PCDH9: variants seen among roughly 807,000 people sequenced by gnomAD.
The protein encoded by PCDH9 is protocadherin 9, also known as protocadherin-9.
A neutral mutation model predicts 70.6 loss-of-function variants in PCDH9; 24 were observed. The observed-to-expected ratio is 0.34, with a 90% CI of 0.25 to 0.48. The LOEUF (loss-of-function observed/expected upper bound fraction) is 0.48, where lower values mean the gene tolerates loss of function less well. Ranked by LOEUF, PCDH9 falls within the 20% of genes least tolerant of loss-of-function variation. The pLI is 0.99. For missense variants in PCDH9, 1,281 were observed against 1,503.6 expected (o/e 0.85, Z 2.45); for synonymous variants, 562 against 558.5 (o/e 1.01, Z -0.09).
intron 2 of PCDH9, among the ~76,000 whole-genome samples, chr13:67,128,613 G>A (rs2087035408): frequency 6.6e-6 from 1 of 152,078 alleles, no homozygotes; most frequent in African/African-American, 2.4e-5. Context: ...CTCTCCCTCT[G>A]TCATTTCGCC....
intron 3 of PCDH9, among the ~76,000 whole-genome samples, chr13:66,877,829 A>C (rs1239023630): frequency 1.3e-5 from 2 of 152,108 alleles, no homozygotes; most frequent in Non-Finnish European, 1.5e-5. Flanking sequence ...AAAATACCTT[A>C]TCTGGCACTG....
chr13:66,588,165 T>C (rs1221734257), intron 4 of PCDH9, among the ~76,000 whole-genome samples: 1 of 152,006 alleles, frequency 6.6e-6, no homozygotes, highest in Non-Finnish European at 1.5e-5. Context: ...ATAATTTTTC[T>C]CCTGCTTGAA....
At chr13:66,637,870 T>C (rs1000228591) in intron 3 of PCDH9, among the ~76,000 whole-genome samples, 1 of 150,292 alleles carries the variant, frequency 6.7e-6, no homozygotes, top group Non-Finnish European at 1.5e-5. Context: ...GCCGAGATCA[T>C]GCCACTGAAC....
chr13:67,154,610 AC>A (rs2087759561), intron 2 of PCDH9, among the ~76,000 whole-genome samples: 1 of 91,606 alleles, frequency 1.1e-5, no homozygotes, highest in African/African-American at 3.8e-5. Context: ...ATATATACAC[AC>A]ACACACACAC....
At chr13:67,140,558 A>G (rs1165489603) in intron 2 of PCDH9, among the ~76,000 whole-genome samples, 1 of 152,100 alleles carries the variant, frequency 6.6e-6, no homozygotes, top group African/African-American at 2.4e-5. Context: ...GCCCTTAATA[A>G]TTACCTTCAG....
intron 4 of PCDH9, among the ~76,000 whole-genome samples, chr13:66,611,056 G>T (rs2077288398): frequency 6.6e-6 from 1 of 152,052 alleles, no homozygotes; most frequent in African/African-American, 2.4e-5. Context: ...TGTGAAAAAG[G>T]TTTTCAGTAG....
At chr13:66,655,711 T>C (rs114110046) in intron 3 of PCDH9, among the ~76,000 whole-genome samples, 5 of 152,318 alleles carry the variant, frequency 3.3e-5, no homozygotes, top group African/African-American at 1.2e-4. Context: ...GAATAATTTG[T>C]TGCTATGGTA....
chr13:66,607,847 TTATC>T (rs2077240631), intron 4 of PCDH9, among the ~76,000 whole-genome samples: 2 of 152,106 alleles, frequency 1.3e-5, no homozygotes, highest in South Asian at 4.1e-4. Flanking sequence ...GTTTCATAAT[TTATC>T]TAATTATTAT....
Position 66,503,447 on chromosome 13 carries a change from G to T in PCDH9, c.3340+127763C>A, listed in dbSNP as rs540626955. Among the ~76,000 whole-genome samples, 3 of 152,248 alleles carry T rather than the reference G, an allele frequency of 2.0e-5. No homozygotes were observed. In the South Asian group the frequency reaches 6.2e-4, roughly 32 times the overall value. On this transcript the variant is annotated intron_variant, in intron 4 of 4. Coordinates refer to ENST00000377865, the MANE Select transcript of PCDH9 (RefSeq NM_203487.3). ...TGTTCATTCATATAACCTCTTCTAT[G>T]TAACTTTAAATAATACTACACAAAT...
chr13:67,124,211 A>G (rs1250260610), intron 2 of PCDH9, among the ~76,000 whole-genome samples: 1 of 152,200 alleles, frequency 6.6e-6, no homozygotes, highest in African/African-American at 2.4e-5. Context: ...TGGGGATAAG[A>G]AAGACCAAAC....
chr13:66,344,112 C>T (rs1159301419), intron 4 of PCDH9, among the ~76,000 whole-genome samples: 1 of 152,012 alleles, frequency 6.6e-6, no homozygotes, highest in Non-Finnish European at 1.5e-5. Context: ...ATATTGCATA[C>T]TAATGAAAAA....
intron 4 of PCDH9, among the ~76,000 whole-genome samples, chr13:66,335,422 A>T (rs1259443531): frequency 1.3e-5 from 2 of 152,134 alleles, no homozygotes; most frequent in Admixed American, 1.3e-4. Flanking sequence ...AACACTCACA[A>T]CCAACACCAA....
chr13:66,713,623 G>GTATATATATATATATATATATATA (rs762817724), intron 3 of PCDH9, among the ~76,000 whole-genome samples: 83 of 92,944 alleles, frequency 8.9e-4, no homozygotes, highest in South Asian at 2.9e-3. Flanking sequence ...GTGTGTGTGT[G>GTATATATATATATATATATATATA]TGTATATATA....
At chr13:66,437,803 C>G (rs908865491) in intron 4 of PCDH9, among the ~76,000 whole-genome samples, 1 of 152,008 alleles carries the variant, frequency 6.6e-6, no homozygotes, top group Non-Finnish European at 1.5e-5. Flanking sequence ...ATGTGTATAC[C>G]TAAAATAATT....
intron 2 of PCDH9, among the ~76,000 whole-genome samples, chr13:67,150,565 C>T (rs190692774): frequency 3.9e-5 from 6 of 152,234 alleles, no homozygotes; most frequent in East Asian, 1.9e-4. Flanking sequence ...TCATTCAATC[C>T]GTTGGTTTTG....
intron 2 of PCDH9, among the ~76,000 whole-genome samples, chr13:67,063,633 T>A (rs2138133754): frequency 6.6e-6 from 1 of 152,242 alleles, no homozygotes. Context: ...TGCTTTTTAA[T>A]TCGTTGCTTT....
intron 4 of PCDH9, among the ~76,000 whole-genome samples, chr13:66,364,779 G>A (rs1956526643): frequency 6.6e-6 from 1 of 152,146 alleles, no homozygotes; most frequent in African/African-American, 2.4e-5. Context: ...TCCTTCATAG[G>A]TGTGAGGTGC....
In PCDH9 at chr13:66,441,207, G is replaced by A. The variant is rs534618698; in HGVS notation, c.3341-136179C>T. ...CACCAGCAAGTGAAGTGTGTTATCC[G>A]TAAGAGCTCTGGTGGATGAAACACT... On this transcript the variant is annotated intron_variant, in intron 4 of 4. Transcript: ENST00000377865. Among the ~76,000 whole-genome samples, 16 of 152,258 alleles carry A rather than the reference G, an allele frequency of 1.1e-4. No individual in the cohort carries two copies. The South Asian group carries it at 2.9e-3, about 28-fold the overall frequency.
At chr13:66,871,812 T>C (rs1488979273) in intron 3 of PCDH9, among the ~76,000 whole-genome samples, 1 of 152,092 alleles carries the variant, frequency 6.6e-6, no homozygotes, top group Non-Finnish European at 1.5e-5. Flanking sequence ...ATGTATTTTC[T>C]AGCCTATTTC....
Sources: gnomAD v4.1 joint callset for allele counts (sites outside exome capture counted in the v4.1 genomes callset) on GRCh38, gnomAD v4.1.1 for gene constraint, MANE v1.5 for transcripts, NCBI Gene and HGNC (gene_info 2026-07-23, HGNC 2026-07-21) for gene names.